Variants in GRAMD2B observed in about 807,000 individuals in gnomAD.
GRAMD2B encodes the protein GRAM domain containing 2B, also known as GRAM domain-containing protein 2B.
A neutral mutation model predicts 59.2 loss-of-function variants in GRAMD2B; 41 were observed. That is an observed-to-expected ratio of 0.69 (90% CI 0.54 to 0.90). The LOEUF is 0.90. GRAMD2B is among the 40% of genes least tolerant of loss of function. The pLI, the probability that GRAMD2B is intolerant of heterozygous loss-of-function variation, is 0.00. For missense variants in GRAMD2B, 424 were observed against 500.5 expected (o/e 0.85, Z 1.46); for synonymous variants, 161 against 182.7 (o/e 0.88, Z 0.96).
At chr5:126,438,936 T>A (rs1762844964) in intron 1 of GRAMD2B, among the ~76,000 whole-genome samples, 1 of 152,096 alleles carries the variant, frequency 6.6e-6, no homozygotes, top group South Asian at 2.1e-4. Context: ...TGGCAAGGGA[T>A]GAGAATTGGA....
intron 1 of GRAMD2B, among the ~76,000 whole-genome samples, chr5:126,374,497 A>G (rs1222912255): frequency 1.3e-5 from 2 of 152,160 alleles, no homozygotes; most frequent in Non-Finnish European, 2.9e-5. Context: ...ATTTTATTCC[A>G]ACATATGACT....
At chr5:126,468,251 T>C (rs1360741300) in intron 2 of GRAMD2B, among the ~76,000 whole-genome samples, 4 of 152,176 alleles carry the variant, frequency 2.6e-5, no homozygotes, top group Admixed American at 2.0e-4. Context: ...ACTAGAATCA[T>C]CTTAGAAGGA....
chr5:126,426,150 T>C (rs1468309471), intron 1 of GRAMD2B, among the ~76,000 whole-genome samples: 2 of 151,944 alleles, frequency 1.3e-5, no homozygotes, highest in Non-Finnish European at 1.5e-5. Context: ...AAAAATAATA[T>C]TAATTTTAAA....
chr5:126,456,878 G>T (rs1170339740), intron 1 of GRAMD2B, among the ~76,000 whole-genome samples: 1 of 152,096 alleles, frequency 6.6e-6, no homozygotes, highest in Non-Finnish European at 1.5e-5. Context: ...AGTTTAGAAT[G>T]CCTATCCATT....
At position 126,386,777 on chromosome 5, in the gene GRAMD2B, A is replaced by C. The variant is rs968150149; in HGVS notation, c.125+15210A>C. On this transcript the variant is annotated intron_variant, in intron 1 of 8. Transcript: ENST00000506445. ...TTGTCAGATGGGGCTAATAGCATCT[A>C]GCTTATTGGACTATTCTGAGGATTA... is the stretch of plus-strand genomic sequence containing the variant. 3.9e-5 allele frequency among the ~76,000 whole-genome samples: 6 copies of C among 152,102 alleles called. No homozygotes were observed. The East Asian group carries it at 7.7e-4, about 20-fold the overall frequency.
intron 5 of GRAMD2B, among the ~76,000 whole-genome samples, chr5:126,476,868 A>C (rs1458013237): frequency 1.3e-5 from 2 of 152,172 alleles, no homozygotes; most frequent in African/African-American, 4.8e-5. Flanking sequence ...GGCATTTTGC[A>C]TATATTATCT....
chr5:126,403,620 CA>C (rs1489403323), intron 1 of GRAMD2B, among the ~76,000 whole-genome samples: 1 of 151,894 alleles, frequency 6.6e-6, no homozygotes, highest in African/African-American at 2.4e-5. Flanking sequence ...AAAATTTTAA[CA>C]GTTTAAAATA....
At chr5:126,442,314 G>A (rs1213795637) in intron 1 of GRAMD2B, among the ~76,000 whole-genome samples, 1 of 146,558 alleles carries the variant, frequency 6.8e-6, no homozygotes, top group Non-Finnish European at 1.5e-5. Context: ...TTTGTGAGAT[G>A]GAGTCTCACT....
At chr5:126,456,914 C>T (rs112432984) in intron 1 of GRAMD2B, among the ~76,000 whole-genome samples, 5,248 of 151,820 alleles carry the variant, frequency 0.035, 108 homozygotes, top group Middle Eastern at 0.049. Context: ...TGGCTGAGGC[C>T]GGACACAGTG....
chr5:126,380,616 C>T (rs562372541), intron 1 of GRAMD2B, among the ~76,000 whole-genome samples: 43 of 152,064 alleles, frequency 2.8e-4, no homozygotes, highest in Admixed American at 1.6e-3. Context: ...CGTCTTTCAC[C>T]TCCTTGGTTA....
chr5:126,463,816 C>T lies in GRAMD2B; in HGVS notation c.84-1610C>T, dbSNP rs189998034. 4.6e-5 allele frequency among the ~76,000 whole-genome samples: 7 copies of T among 152,234 alleles called. No individual in the cohort carries two copies. The East Asian group carries it at 9.7e-4, about 21-fold the overall frequency. On this transcript the variant is annotated intron_variant, in intron 1 of 13. Coordinates refer to ENST00000285689, the MANE Select transcript of GRAMD2B (RefSeq NM_023927.4). ...GGCAGATCACCTGAGGTCAGGAGTT[C>T]GAGACCAGCCTGGCCAACATGGCAA...
chr5:126,446,624 A>T (rs1206657971), intron 1 of GRAMD2B, among the ~76,000 whole-genome samples: 4 of 100,722 alleles, frequency 4.0e-5, no homozygotes, highest in East Asian at 2.9e-4. Context: ...AAAAATTAAA[A>T]AAAAAAAAAA....
At chr5:126,486,415 C>T (rs553082090) in intron 11 of GRAMD2B, among the ~76,000 whole-genome samples, 8 of 152,312 alleles carry the variant, frequency 5.3e-5, no homozygotes, top group African/African-American at 1.9e-4. Context: ...TAACTTCTAG[C>T]GTGTAACCAA....
intron 9 of GRAMD2B, among the ~76,000 whole-genome samples, chr5:126,483,844 A>T (rs988164918): frequency 1.3e-5 from 2 of 152,168 alleles, no homozygotes; most frequent in African/African-American, 4.8e-5. Context: ...AGAAAAAAAC[A>T]TACAATTTTG....
At chr5:126,403,409 T>C (rs1054146738) in intron 1 of GRAMD2B, among the ~76,000 whole-genome samples, 4 of 152,042 alleles carry the variant, frequency 2.6e-5, no homozygotes, top group African/African-American at 9.7e-5. Flanking sequence ...CAAAATGCCA[T>C]GTGGAACACA....
At chr5:126,399,340 A>G (rs952886629) in intron 1 of GRAMD2B, among the ~76,000 whole-genome samples, 20 of 152,160 alleles carry the variant, frequency 1.3e-4, no homozygotes, top group African/African-American at 4.3e-4. Flanking sequence ...CTCATCTTGA[A>G]TTGTAATCCC....
At chr5:126,363,835 G>C (rs1423861274) in intron 1 of GRAMD2B, among the ~76,000 whole-genome samples, 1 of 152,158 alleles carries the variant, frequency 6.6e-6, no homozygotes, top group Non-Finnish European at 1.5e-5. Context: ...TAGGGAGGAT[G>C]GGCAGGGACT....
chr5:126,393,818 A>C (rs1757061220), intron 1 of GRAMD2B, among the ~76,000 whole-genome samples: 1 of 152,232 alleles, frequency 6.6e-6, no homozygotes, highest in South Asian at 2.1e-4. Flanking sequence ...GATAGCAAAG[A>C]GCATGAACAG....
chr5:126,393,278 A>T (rs570928019), intron 1 of GRAMD2B, among the ~76,000 whole-genome samples: 1 of 152,310 alleles, frequency 6.6e-6, no homozygotes, highest in African/African-American at 2.4e-5. Context: ...TTACAATTTT[A>T]TTTCACAGGT....
Sources: allele counts gnomAD v4.1 joint callset (sites outside exome capture counted in the v4.1 genomes callset), GRCh38; gene constraint gnomAD v4.1.1; transcripts MANE v1.5; gene names NCBI Gene and HGNC (gene_info 2026-07-23, HGNC 2026-07-21).